The following ZMYND19 variants were observed in gnomAD, a reference collection of about 807,000 sequenced individuals.
The protein encoded by ZMYND19 is zinc finger MYND domain-containing protein 19.
Under a neutral mutation model 32.0 loss-of-function variants are expected in ZMYND19, and 17 were observed. The observed-to-expected ratio is 0.53, with a 90% confidence interval of 0.36 to 0.80. The LOEUF is 0.80. Among genes scored for constraint, ZMYND19 ranks in the 30% least tolerant of loss-of-function variants. ZMYND19 has a pLI of 0.00. For missense variants in ZMYND19, 250 were observed against 293.6 expected (o/e 0.85, Z 1.09); for synonymous variants, 124 against 113.6 (o/e 1.09, Z -0.58).
chr9:137,588,462 T>C (rs1377488406), intron 2 of ZMYND19, among the ~76,000 whole-genome samples, 197 bp downstream of exon 2: 1 of 151,584 alleles, frequency 6.6e-6, no homozygotes, highest in African/African-American at 2.4e-5. Flanking sequence ...CACAGTGGGC[T>C]CCAGTGGCAG....
Position 137,586,997 on chromosome 9 carries a change from G to A in ZMYND19, c.329C>T (p.Pro110Leu). The part of the protein sequence containing the change: ...NLQLVPWGWR[P>L]KAEETSSKQR... ...CTTGCTGGAGGTCTCTTCAGCCTTG[G>A]GCCGCCAGCCCCACGGCACCAGTTG... The change falls in exon 4 of 6, where the codon CCC (proline) becomes CTC (leucine). Residue 110 changes from proline (P) to leucine (L), a missense_variant. By Grantham distance (98) the Pro-to-Leu change is moderately conservative (BLOSUM62 -3). Coordinates refer to ENST00000298585, the MANE Select transcript of ZMYND19 (RefSeq NM_138462.3). 3 of 1,612,444 alleles carry A rather than the reference G, an allele frequency of 1.9e-6. No individual in the cohort carries two copies. Among genetic ancestry groups the A allele is most frequent in the Admixed American group, 1.7e-5 (1 of 60,024 alleles).
At chr9:137,587,851 T>TA (rs1327152729) in intron 2 of ZMYND19, 28 bp from the exon 3 acceptor site, 3 of 1,603,272 alleles carry the variant, frequency 1.9e-6, no homozygotes, top group Non-Finnish European at 2.6e-6. Context: ...AAAGAGCTGT[T>TA]AAAAAACCTC....
intron 1 of ZMYND19, chr9:137,589,602 G>A: frequency 1.0e-6 from 1 of 985,464 alleles, no homozygotes; most frequent in South Asian, 4.7e-5. Flanking sequence ...GGCCAAGTAA[G>A]AAGAGAAGTC....
chr9:137,589,324 G>A (rs1842242557), intron 1 of ZMYND19: 3 of 985,012 alleles, frequency 3.0e-6, no homozygotes, highest in Middle Eastern at 1.0e-3. Flanking sequence ...TTGCAGCAGG[G>A]GCAGGAAACA....
intron 2 of ZMYND19, 30 bp downstream of exon 2, chr9:137,588,629 T>C: frequency 6.2e-7 from 1 of 1,613,476 alleles, no homozygotes; most frequent in South Asian, 1.1e-5. Context: ...ACCACGAGCA[T>C]CAGGGGAGGG....
At chr9:137,589,558 C>T in intron 1 of ZMYND19, 14 of 985,334 alleles carry the variant, frequency 1.4e-5, no homozygotes, top group Non-Finnish European at 1.7e-5. Flanking sequence ...CCACAGGTGC[C>T]ATGGAATCCC....
chr9:137,584,777 C>T (rs1842185696), intron 4 of ZMYND19, among the ~76,000 whole-genome samples: 1 of 152,212 alleles, frequency 6.6e-6, no homozygotes, highest in African/African-American at 2.4e-5. Flanking sequence ...CCAGACACCA[C>T]TAGAACAGGG....
intron 1 of ZMYND19, chr9:137,589,940 CG>C: frequency 1.0e-6 from 1 of 985,362 alleles, no homozygotes; most frequent in East Asian, 1.1e-4. Flanking sequence ...GCACCCGGCT[CG>C]GGACAGGGCC....
chr9:137,582,708 G>C, intron 5 of ZMYND19, 22 bp from the exon 6 acceptor site: 1 of 1,609,274 alleles, frequency 6.2e-7, no homozygotes. Context: ...AACACCTGTG[G>C]CTTCACCATC....
At chr9:137,586,394 T>C (rs1414274931) in intron 4 of ZMYND19, among the ~76,000 whole-genome samples, 2 of 147,696 alleles carry the variant, frequency 1.4e-5, no homozygotes, top group Non-Finnish European at 1.5e-5. Context: ...GAAGGAATCC[T>C]GAGGTGAGGA....
intron 1 of ZMYND19, 46 bp from the exon 2 acceptor site, chr9:137,588,764 G>T: frequency 3.1e-6 from 5 of 1,607,552 alleles, no homozygotes; most frequent in Non-Finnish European, 4.3e-6. Flanking sequence ...TGGGATCTGC[G>T]TGAGGTGCAG....
intron 4 of ZMYND19, among the ~76,000 whole-genome samples, chr9:137,584,689 C>T (rs1347298138): frequency 6.6e-6 from 1 of 152,200 alleles, no homozygotes; most frequent in African/African-American, 2.4e-5. Context: ...CTGCCAAGCA[C>T]GCCTTCCCCT....
intron 5 of ZMYND19, 60 bp downstream of exon 5, chr9:137,582,923 A>G: frequency 6.3e-7 from 1 of 1,591,926 alleles, no homozygotes; most frequent in Non-Finnish European, 8.6e-7. Flanking sequence ...AAGATCCCAA[A>G]CCAAGGCTGG....
At chr9:137,583,428 A>G (rs1842169504) in intron 4 of ZMYND19, among the ~76,000 whole-genome samples, 1 of 152,146 alleles carries the variant, frequency 6.6e-6, no homozygotes, top group Admixed American at 6.5e-5. Flanking sequence ...TAGGCAGGAG[A>G]CAGGGCCCAG....
chr9:137,587,984 G>T (rs1842225073), intron 2 of ZMYND19, among the ~76,000 whole-genome samples, 161 bp from the exon 3 acceptor site: 1 of 152,202 alleles, frequency 6.6e-6, no homozygotes, highest in African/African-American at 2.4e-5. Context: ...CAGGCACATG[G>T]CTCCCAGGGG....
intron 4 of ZMYND19, among the ~76,000 whole-genome samples, chr9:137,584,449 G>A (rs894450408): frequency 1.3e-5 from 2 of 152,202 alleles, no homozygotes; most frequent in South Asian, 4.1e-4. Flanking sequence ...GATTATAAAG[G>A]GTGCTGAGAG....
At chr9:137,587,847 C>CTT (rs757007430) in intron 2 of ZMYND19, 24 bp from the exon 3 acceptor site, 4 of 1,608,970 alleles carry the variant, frequency 2.5e-6, no homozygotes, top group South Asian at 2.2e-5. Flanking sequence ...AGGGAAAGAG[C>CTT]TGTTAAAAAA....
intron 1 of ZMYND19, chr9:137,589,146 C>T (rs1380776911): frequency 5.3e-6 from 1 of 187,836 alleles, no homozygotes; most frequent in African/African-American, 2.4e-5. Flanking sequence ...TCACTGATTA[C>T]CCTTTTTAGC....
At chr9:137,587,303 A>C in intron 3 of ZMYND19, 196 bp from the exon 4 acceptor site, 2 of 896,516 alleles carry the variant, frequency 2.2e-6, no homozygotes, top group Non-Finnish European at 3.3e-6. Flanking sequence ...TCTGTGGCCC[A>C]AACAGGACAG....
Sources: gnomAD v4.1 joint callset for allele counts (sites outside exome capture counted in the v4.1 genomes callset) on GRCh38, gnomAD v4.1.1 for gene constraint, MANE v1.5 for transcripts, NCBI Gene and HGNC (gene_info 2026-07-23, HGNC 2026-07-21) for gene names.